ARSB: variants seen among roughly 807,000 people sequenced by gnomAD.
The protein encoded by ARSB is N-acetylgalactosamine-4-sulfatase.
ARSB carries 41 observed loss-of-function variants against 50.9 expected under a neutral mutation model. The observed-to-expected ratio is 0.81, with a 90% confidence interval of 0.63 to 1.04. The LOEUF (loss-of-function observed/expected upper bound fraction) is 1.04. Ranked by LOEUF, ARSB falls within the 50% of genes least tolerant of loss-of-function variation. ARSB has a pLI of 0.00. For missense variants in ARSB, 672 were observed against 693.3 expected (o/e 0.97, Z 0.35); for synonymous variants, 269 against 284.8 (o/e 0.94, Z 0.56).
intron 4 of ARSB, among the ~76,000 whole-genome samples, chr5:78,906,862 A>AT (rs1324601325): frequency 6.6e-6 from 1 of 152,042 alleles, no homozygotes; most frequent in African/African-American, 2.4e-5. Context: ...ACTTGTCTTG[A>AT]TTTTTTTTAA....
intron 2 of ARSB, among the ~76,000 whole-genome samples, chr5:78,967,096 A>G (rs545086239): frequency 4.6e-5 from 7 of 152,242 alleles, no homozygotes; most frequent in African/African-American, 1.7e-4. Flanking sequence ...TTTGGCCCCC[A>G]TATAATTACT....
intron 6 of ARSB, among the ~76,000 whole-genome samples, chr5:78,826,072 A>C (rs1299283362): frequency 6.8e-6 from 1 of 147,798 alleles, no homozygotes; most frequent in African/African-American, 2.5e-5. Context: ...TTTTTGATGG[A>C]GTCTCGCTCT....
At chr5:78,807,117 G>A (rs942078666) in intron 6 of ARSB, among the ~76,000 whole-genome samples, 2 of 152,148 alleles carry the variant, frequency 1.3e-5, no homozygotes, top group African/African-American at 4.8e-5. Flanking sequence ...GGGAACACGA[G>A]GGTGGTAGAA....
chr5:78,944,157 G>A (rs987470556), intron 4 of ARSB, among the ~76,000 whole-genome samples: 8 of 152,120 alleles, frequency 5.3e-5, no homozygotes, highest in African/African-American at 1.7e-4. Flanking sequence ...CTCTGCATTG[G>A]TTATTCTAGT....
At chr5:78,964,265 A>T in intron 3 of ARSB, 151 bp downstream of exon 3, 1 of 778,088 alleles carries the variant, frequency 1.3e-6, no homozygotes, top group Non-Finnish European at 2.1e-6. Context: ...CAAGCTTCCC[A>T]GGCTGATTCT....
chr5:78,906,816 T>C (rs1749088101), intron 4 of ARSB, among the ~76,000 whole-genome samples: 1 of 152,210 alleles, frequency 6.6e-6, no homozygotes, highest in African/African-American at 2.4e-5. Context: ...GTGGTGCCCA[T>C]GATTTTAATG....
chr5:78,963,234 T>C (rs338462), intron 3 of ARSB, among the ~76,000 whole-genome samples: 1 of 152,092 alleles, frequency 6.6e-6, no homozygotes, highest in Non-Finnish European at 1.5e-5. Flanking sequence ...CACCTTCCAT[T>C]ATGACTGGAA....
intron 5 of ARSB, among the ~76,000 whole-genome samples, chr5:78,853,244 T>A (rs1257283022): frequency 6.6e-6 from 1 of 152,208 alleles, no homozygotes; most frequent in African/African-American, 2.4e-5. Flanking sequence ...GGTGTGGATG[T>A]CCTTTCTGTT....
intron 5 of ARSB, among the ~76,000 whole-genome samples, chr5:78,846,005 A>G (rs1235833304): frequency 6.6e-6 from 1 of 152,094 alleles, no homozygotes; most frequent in Non-Finnish European, 1.5e-5. Context: ...CAGGAGTTTC[A>G]TAGCTTCAGG....
intron 4 of ARSB, among the ~76,000 whole-genome samples, chr5:78,934,912 C>T (rs1259981775): frequency 1.3e-5 from 2 of 152,000 alleles, no homozygotes; most frequent in African/African-American, 2.4e-5. Context: ...AATAATAATA[C>T]ATGGCAAATA....
At chr5:78,805,235 G>A (rs1233806620) in intron 6 of ARSB, among the ~76,000 whole-genome samples, 1 of 152,174 alleles carries the variant, frequency 6.6e-6, no homozygotes, top group Non-Finnish European at 1.5e-5. Context: ...GTCCCATCAA[G>A]TTTACCTGTA....
chr5:78,964,784 A>G (rs1752136552), intron 2 of ARSB, among the ~76,000 whole-genome samples, 178 bp from the exon 3 acceptor site: 1 of 152,228 alleles, frequency 6.6e-6, no homozygotes, highest in African/African-American at 2.4e-5. Context: ...GCATTAAAAC[A>G]TTACTGCATA....
chr5:78,973,309 T>A (rs1010522653), intron 1 of ARSB, among the ~76,000 whole-genome samples: 9 of 152,234 alleles, frequency 5.9e-5, no homozygotes, highest in African/African-American at 2.2e-4. Context: ...CTACCATGTG[T>A]GGCTGTCTCC....
intron 4 of ARSB, among the ~76,000 whole-genome samples, chr5:78,919,199 C>T (rs1006489290): frequency 2.6e-5 from 4 of 152,196 alleles, no homozygotes; most frequent in Non-Finnish European, 1.5e-5. Context: ...GAACCTGTGA[C>T]CCACACTGGA....
chr5:78,930,268 C>T (rs1341129597), intron 4 of ARSB, among the ~76,000 whole-genome samples: 1 of 152,190 alleles, frequency 6.6e-6, no homozygotes, highest in Non-Finnish European at 1.5e-5. Flanking sequence ...TTGCATGTAT[C>T]TGAATAGTTC....
intron 6 of ARSB, among the ~76,000 whole-genome samples, chr5:78,812,068 G>A (rs1307988980): frequency 1.3e-5 from 2 of 152,108 alleles, no homozygotes; most frequent in Non-Finnish European, 2.9e-5. Context: ...ATCCTTGCAT[G>A]TGCCTCCAAG....
At chr5:78,901,330 C>T (rs1352440392) in intron 4 of ARSB, among the ~76,000 whole-genome samples, 3 of 152,058 alleles carry the variant, frequency 2.0e-5, no homozygotes, top group Non-Finnish European at 2.9e-5. Context: ...CTCTGCCTAC[C>T]ACAAACATGA....
intron 4 of ARSB, among the ~76,000 whole-genome samples, chr5:78,895,248 T>C (rs1012776828): frequency 1.3e-5 from 2 of 152,096 alleles, no homozygotes; most frequent in African/African-American, 2.4e-5. Flanking sequence ...ATAATCTTTG[T>C]AGAAGGAGGA....
rs1200890790 is a variant in ARSB at position 78,964,290 on chromosome 5, T to C, written c.690+126A>G. On this transcript the variant is annotated intron_variant, in intron 3 of 7. Transcript: ENST00000264914. Reference sequence around the variant, plus strand: ...AGGCTGATTCTGGGATACTGTATAATTTGAAAAGGACTTCCCTAGAATTTA... The same window carrying C: ...AGGCTGATTCTGGGATACTGTATAACTTGAAAAGGACTTCCCTAGAATTTA... The C allele has an allele frequency of 9.3e-6, 9 of 970,754 alleles. No individual in the cohort carries two copies. The African/African-American group carries it at 1.5e-4, about 16-fold the overall frequency. The allele number at this position is 970,754 out of a possible 1,614,324, so 60.1% of individuals were successfully genotyped here. A position where few individuals can be genotyped will look rare whatever the true frequency, so the allele number is the denominator to read the frequency against.
Sources: gnomAD v4.1 joint callset for allele counts (sites outside exome capture counted in the v4.1 genomes callset) on GRCh38, gnomAD v4.1.1 for gene constraint, MANE v1.5 for transcripts, NCBI Gene and HGNC (gene_info 2026-07-23, HGNC 2026-07-21) for gene names.